Variants in CFAP58 observed in about 807,000 individuals in gnomAD.
CFAP58 encodes cilia- and flagella-associated protein 58.
CFAP58 carries 88 observed loss-of-function variants against 119.5 expected under a neutral mutation model. The observed-to-expected ratio is 0.74, with a 90% confidence interval of 0.62 to 0.88. The LOEUF (loss-of-function observed/expected upper bound fraction) is 0.88, where lower values mean the gene tolerates loss of function less well. CFAP58 is among the 40% of genes least tolerant of loss of function. The pLI is 0.00. For missense variants in CFAP58, 990 were observed against 1,021.2 expected (o/e 0.97, Z 0.42); for synonymous variants, 365 against 366.3 (o/e 1.00, Z 0.04).
At chr10:104,423,406 G>A (rs2133070011) in intron 15 of CFAP58, among the ~76,000 whole-genome samples, 1 of 152,162 alleles carries the variant, frequency 6.6e-6, no homozygotes, top group Admixed American at 6.5e-5. Context: ...AAGAGGTAAG[G>A]GAGTGTTTTA....
At chr10:104,420,026 G>A (rs1299419816) in intron 15 of CFAP58, among the ~76,000 whole-genome samples, 1 of 152,026 alleles carries the variant, frequency 6.6e-6, no homozygotes, top group Non-Finnish European at 1.5e-5. Flanking sequence ...ATAGGTTTAT[G>A]GGCCCTCAGA....
At chr10:104,419,313 G>A (rs2133065689) in intron 15 of CFAP58, among the ~76,000 whole-genome samples, 1 of 152,134 alleles carries the variant, frequency 6.6e-6, no homozygotes, top group Non-Finnish European at 1.5e-5. Flanking sequence ...TCAGAGGGTG[G>A]GTTCAGGTCA....
intron 7 of CFAP58, 89 bp from the exon 8 acceptor site, chr10:104,376,722 G>T: frequency 7.2e-6 from 7 of 966,808 alleles, no homozygotes; most frequent in Admixed American, 2.1e-5. Context: ...AGACAAACAT[G>T]TAAAGCAGTT....
At chr10:104,396,810 G>A (rs2012172381) in intron 11 of CFAP58, among the ~76,000 whole-genome samples, 2 of 152,316 alleles carry the variant, frequency 1.3e-5, no homozygotes, top group Admixed American at 1.3e-4. Context: ...ATGCATAGTG[G>A]TTGTTGCCAT....
the CFAP58 span, among the ~76,000 whole-genome samples, chr10:104,342,924 G>C: frequency 6.6e-6 from 1 of 150,830 alleles, no homozygotes; most frequent in Non-Finnish European, 1.5e-5. Flanking sequence ...CACATCTCAC[G>C]GTTAGGAGCA....
chr10:104,406,627 A>C, intron 14 of CFAP58, 62 bp from the exon 15 acceptor site: 27 of 1,234,914 alleles, frequency 2.2e-5, no homozygotes, highest in Non-Finnish European at 3.0e-5. Flanking sequence ...CATTTTACAT[A>C]GAGGCCTCAG....
intron 15 of CFAP58, among the ~76,000 whole-genome samples, chr10:104,418,617 T>C (rs1270752913): frequency 6.6e-6 from 1 of 152,192 alleles, no homozygotes; most frequent in Non-Finnish European, 1.5e-5. Context: ...ACCACTATTC[T>C]TTAGTGCCTC....
chr10:104,397,536 A>G (rs1469598964), intron 11 of CFAP58, among the ~76,000 whole-genome samples: 1 of 152,198 alleles, frequency 6.6e-6, no homozygotes, highest in South Asian at 2.1e-4. Flanking sequence ...GACCGTAACT[A>G]AAGTTGGGTT....
In CFAP58 at chr10:104,380,174, A is replaced by G; in HGVS notation, c.1319A>G (p.Lys440Arg). The change falls in exon 9 of 18, where the codon AAG becomes AGG. Residue 440 changes from lysine (K) to arginine (R), a missense_variant. By Grantham distance (26) the Lys-to-Arg change is conservative. Transcript: ENST00000369704. ...AGAAAGATCATCTTTCATCTGGAAAAGGAGCGTGACCGGTACATCAACCAA... is the reference window on the plus strand; with the variant it reads ...AGAAAGATCATCTTTCATCTGGAAAGGGAGCGTGACCGGTACATCAACCAA... ...KQRKIIFHLE[K>R]ERDRYINQAS... is the part of the protein sequence containing the mutation. 1 of 1,614,134 alleles carries G rather than the reference A, an allele frequency of 6.2e-7. No homozygotes were observed. The highest frequency in any genetic ancestry group is 1.1e-5 in the South Asian group (1 of 91,082).
the CFAP58 span, among the ~76,000 whole-genome samples, chr10:104,339,135 C>T: frequency 6.6e-6 from 1 of 152,182 alleles, no homozygotes. Context: ...CTCGAACTCC[C>T]TTCTCGGCCT....
intron 15 of CFAP58, among the ~76,000 whole-genome samples, chr10:104,432,560 T>C (rs1036436696): frequency 6.6e-6 from 1 of 152,028 alleles, no homozygotes; most frequent in Non-Finnish European, 1.5e-5. Context: ...TAGAGTGCCA[T>C]GGTGCGATCT....
At chr10:104,408,911 A>G (rs889356392) in intron 15 of CFAP58, among the ~76,000 whole-genome samples, 1 of 152,104 alleles carries the variant, frequency 6.6e-6, no homozygotes, top group Admixed American at 6.5e-5. Flanking sequence ...ACCAGCCTAG[A>G]TAACATGGCA....
chr10:104,358,102 C>CATATATACACATATATATGTACTT (rs1435821309), intron 1 of CFAP58, among the ~76,000 whole-genome samples: 4,788 of 146,312 alleles, frequency 0.033, 233 homozygotes, highest in African/African-American at 0.085. Context: ...TATATATGTA[C>CATATATACACATATATATGTACTT]ATATATACAC....
At chr10:104,353,763 C>T (rs2014500307), upstream of CFAP58, 3 of 1,025,632 alleles carry the variant, frequency 2.9e-6, no homozygotes, top group Non-Finnish European at 4.2e-6. Context: ...GACGGGCCGA[C>T]GCGCCGAGCG....
chr10:104,449,841 G>A (rs925632540), intron 16 of CFAP58, among the ~76,000 whole-genome samples: 1 of 152,092 alleles, frequency 6.6e-6, no homozygotes, highest in African/African-American at 2.4e-5. Context: ...TGTTTTAAGT[G>A]GGGGAATGAT....
the CFAP58 span, among the ~76,000 whole-genome samples, chr10:104,347,274 CCTCCT>C: frequency 6.6e-6 from 1 of 152,082 alleles, no homozygotes; most frequent in Non-Finnish European, 1.5e-5. Flanking sequence ...AGCTTCGGTG[CCTCCT>C]CAGGTGTCAC....
At chr10:104,415,831 C>T (rs2864011) in intron 15 of CFAP58, among the ~76,000 whole-genome samples, 79,848 of 152,036 alleles carry the variant, frequency 0.53, 21,811 homozygotes, top group African/African-American at 0.68. Flanking sequence ...TCTATCTGCC[C>T]GCTGCCATTT....
Position 104,365,917 on chromosome 10 carries a change from G to A in CFAP58, c.701G>A (p.Ser234Asn), listed in dbSNP as rs1589910042. 6.2e-7 allele frequency: 1 copy of A among 1,613,598 alleles called. No homozygotes were observed. The highest frequency in any genetic ancestry group is 2.2e-5 in the East Asian group (1 of 44,838). Residue 234 changes from serine (S) to asparagine (N), a missense_variant, in exon 5 of 18, where the codon AGC becomes AAC. Ser to Asn is a conservative substitution (Grantham distance 46). Transcript: ENST00000369704. Reference sequence around the variant, plus strand: ...AAGCAGATTCAGGCAGACATGGACAGCAGGCAGACAGAAATAAAAGCCCTG... The same window carrying A: ...AAGCAGATTCAGGCAGACATGGACAACAGGCAGACAGAAATAAAAGCCCTG... ...ELKQIQADMD[S>N]RQTEIKALQQ...
At chr10:104,369,149 C>T (rs965531028) in intron 6 of CFAP58, among the ~76,000 whole-genome samples, 5 of 152,220 alleles carry the variant, frequency 3.3e-5, no homozygotes, top group Admixed American at 3.3e-4. Context: ...AGCAGCTTTA[C>T]GTTTATCACT....
Sources: allele counts gnomAD v4.1 joint callset (sites outside exome capture counted in the v4.1 genomes callset), GRCh38; gene constraint gnomAD v4.1.1; transcripts MANE v1.5; gene names NCBI Gene and HGNC (gene_info 2026-07-23, HGNC 2026-07-21).